Variants in ADGRG6 observed in about 807,000 individuals in gnomAD.
ADGRG6 encodes adhesion G protein-coupled receptor G6, also known as G-protein coupled receptor 126.
Under a neutral mutation model 142.4 loss-of-function variants are expected in ADGRG6, and 84 were observed. The observed-to-expected ratio is 0.59, with a 90% CI of 0.49 to 0.71. The LOEUF is 0.71. Ranked by LOEUF, ADGRG6 falls within the 30% of genes least tolerant of loss-of-function variation. ADGRG6 has a pLI of 0.00. For missense variants in ADGRG6, 1,367 were observed against 1,466.6 expected (o/e 0.93, Z 1.11); for synonymous variants, 521 against 520.5 (o/e 1.00, Z -0.01).
intron 2 of ADGRG6, among the ~76,000 whole-genome samples, chr6:142,342,392 T>C (rs1408036162): frequency 6.6e-6 from 1 of 152,128 alleles, no homozygotes; most frequent in Non-Finnish European, 1.5e-5. Flanking sequence ...TGTAATATCC[T>C]GAAGAATCAA....
intron 22 of ADGRG6, among the ~76,000 whole-genome samples, chr6:142,433,998 A>G (rs1777352434): frequency 1.3e-5 from 2 of 152,120 alleles, no homozygotes; most frequent in Non-Finnish European, 2.9e-5. Context: ...ACAGTGAGCT[A>G]CAGTTGCACC....
intron 22 of ADGRG6, among the ~76,000 whole-genome samples, chr6:142,433,504 C>T (rs116091652): frequency 0.028 from 4,305 of 152,100 alleles, 183 homozygotes; most frequent in African/African-American, 0.097. Context: ...AAATCCTAAC[C>T]GAATGATATC....
At chr6:142,312,677 A>C (rs186952525) in intron 2 of ADGRG6, among the ~76,000 whole-genome samples, 2 of 152,266 alleles carry the variant, frequency 1.3e-5, no homozygotes, top group East Asian at 3.9e-4. Flanking sequence ...GAATGTGTAC[A>C]TTGGTGTATC....
chr6:142,374,846 C>A (rs1438446902), intron 4 of ADGRG6, among the ~76,000 whole-genome samples: 1 of 152,112 alleles, frequency 6.6e-6, no homozygotes, highest in African/African-American at 2.4e-5. Flanking sequence ...TATAGGTATA[C>A]ATTGTGGAAT....
chr6:142,376,583 A>G (rs1295048063), intron 4 of ADGRG6, among the ~76,000 whole-genome samples: 1 of 152,172 alleles, frequency 6.6e-6, no homozygotes, highest in African/African-American at 2.4e-5. Context: ...TCATAGCTAT[A>G]AAACTTCAAT....
intron 22 of ADGRG6, among the ~76,000 whole-genome samples, chr6:142,427,066 T>C (rs981894378): frequency 1.2e-4 from 19 of 152,178 alleles, no homozygotes; most frequent in Admixed American, 2.6e-4. Flanking sequence ...TTTTCACCAT[T>C]GTCTTGATGT....
intron 15 of ADGRG6, among the ~76,000 whole-genome samples, chr6:142,406,476 A>G (rs1775814185): frequency 6.6e-6 from 1 of 152,226 alleles, no homozygotes; most frequent in South Asian, 2.1e-4. Context: ...AAACTTATCT[A>G]TTAAATTCAA....
At position 142,419,983 on chromosome 6, in the gene ADGRG6, C is replaced by A. The variant is rs771324253; in HGVS notation, c.3198C>A (p.Asn1066Lys). The part of the protein sequence containing the change: ...NRTLREEVLR[N>K]LRSVVSLTFL... ...CCCTGAGAGAAGAAGTGTTAAGGAACCTGCGCAGTGTGGTTAGCTTGACCT... is the reference window on the plus strand; with the variant it reads ...CCCTGAGAGAAGAAGTGTTAAGGAAACTGCGCAGTGTGGTTAGCTTGACCT... Residue 1066 changes from asparagine (N) to lysine (K), a missense_variant, in exon 22 of 25, where the codon AAC becomes AAA. By Grantham distance (94) the Asn-to-Lys change is moderately conservative (BLOSUM62 0). This residue lies in a region of ADGRG6 where 344 missense variants were observed against 348.7 expected (regional missense o/e 0.99). Transcript: ENST00000367609. 8.1e-6 allele frequency: 13 copies of A among 1,613,338 alleles called. 1 individual carries two copies. In the South Asian group the frequency reaches 1.4e-4, roughly 18 times the overall value.
Position 142,415,866 on chromosome 6 carries a change from C to G in ADGRG6, c.2740C>G (p.Leu914Val), listed in dbSNP as rs761268701. The G allele has an allele frequency of 1.9e-6, 3 of 1,612,504 alleles. No homozygotes were observed. In the South Asian group the frequency reaches 3.3e-5, roughly 18 times the overall value. The change falls in exon 20 of 25, where the codon CTC becomes GTC. Residue 914 changes from leucine (L) to valine (V), a missense_variant. By Grantham distance (32) the Leu-to-Val change is conservative. This residue lies in a region of ADGRG6 where 286 missense variants were observed against 371.4 expected (regional missense o/e 0.77). Transcript: ENST00000367609. ...LSTALLFLNL[L>V]FLLDGWITSF... is the part of the protein sequence containing the mutation. ...CACAGCCCTGCTGTTCCTGAATCTC[C>G]TCTTCCTCCTAGATGGCTGGATCAC...
At chr6:142,393,679 G>A (rs565934372) in intron 8 of ADGRG6, among the ~76,000 whole-genome samples, 2 of 152,220 alleles carry the variant, frequency 1.3e-5, no homozygotes, top group African/African-American at 4.8e-5. Flanking sequence ...GAACGTCTCA[G>A]TTTCTTTAGT....
chr6:142,373,881 CTTTTTTTT>C (rs769498618), intron 4 of ADGRG6, among the ~76,000 whole-genome samples: 11 of 93,846 alleles, frequency 1.2e-4, no homozygotes, highest in South Asian at 3.6e-4. Flanking sequence ...TTTTTCTTTT[CTTTTTTTT>C]TTTTTTTTTT....
chr6:142,337,112 T>A (rs185267831), intron 2 of ADGRG6, among the ~76,000 whole-genome samples: 1 of 152,326 alleles, frequency 6.6e-6, no homozygotes, highest in African/African-American at 2.4e-5. Context: ...AGGTACTCCA[T>A]CTAATTTTTA....
intron 9 of ADGRG6, 35 bp downstream of exon 9, chr6:142,393,993 T>A: frequency 7.7e-7 from 1 of 1,306,758 alleles, no homozygotes; most frequent in Non-Finnish European, 1.1e-6. Context: ...AGTATAACAT[T>A]CTTTCTCTTG....
chr6:142,347,379 T>C (rs761478567), intron 2 of ADGRG6, among the ~76,000 whole-genome samples: 32 of 152,306 alleles, frequency 2.1e-4, no homozygotes, highest in Admixed American at 3.3e-4. Flanking sequence ...CAAATTTTAA[T>C]GTCAATTTGT....
chr6:142,419,649 A>C (rs1045219483), intron 21 of ADGRG6, among the ~76,000 whole-genome samples, 172 bp from the exon 22 acceptor site: 10 of 152,150 alleles, frequency 6.6e-5, no homozygotes, highest in Admixed American at 6.6e-5. Flanking sequence ...ACAAATGAAC[A>C]AAAGACCTAT....
chr6:142,425,841 C>A (rs1163983517), intron 22 of ADGRG6, among the ~76,000 whole-genome samples: 1 of 152,144 alleles, frequency 6.6e-6, no homozygotes, highest in African/African-American at 2.4e-5. Context: ...AGGAGCAAAT[C>A]AAATCTTATG....
intron 2 of ADGRG6, among the ~76,000 whole-genome samples, chr6:142,320,548 T>C (rs192435135): frequency 2.6e-5 from 4 of 152,212 alleles, no homozygotes; most frequent in African/African-American, 9.6e-5. Context: ...ACCTTTTCCA[T>C]ATGTACTGAG....
intron 2 of ADGRG6, among the ~76,000 whole-genome samples, chr6:142,336,142 A>G (rs1042898198): frequency 6.6e-6 from 1 of 152,182 alleles, no homozygotes; most frequent in Non-Finnish European, 1.5e-5. Flanking sequence ...CAGGTCTTCC[A>G]TGCAGCAGGC....
At chr6:142,358,703 G>A (rs1014321130) in intron 2 of ADGRG6, among the ~76,000 whole-genome samples, 5 of 151,942 alleles carry the variant, frequency 3.3e-5, no homozygotes, top group Admixed American at 6.6e-5. Context: ...TCAGGAGTTT[G>A]AGACCAGCCT....
Sources: allele counts gnomAD v4.1 joint callset (sites outside exome capture counted in the v4.1 genomes callset), GRCh38; gene constraint gnomAD v4.1.1; regional missense constraint gnomAD v4.1.1; transcripts MANE v1.5; gene names NCBI Gene and HGNC (gene_info 2026-07-23, HGNC 2026-07-21).